Variants in CARNMT1 observed in about 807,000 individuals in gnomAD.
The protein encoded by CARNMT1 is protein-L-histidine N-pros-methyltransferase CARNMT1.
CARNMT1 carries 28 observed loss-of-function variants against 49.6 expected under a neutral mutation model. The observed-to-expected ratio is 0.56, with a 90% confidence interval of 0.42 to 0.77. The LOEUF is 0.77. Ranked by LOEUF, CARNMT1 falls within the 30% of genes least tolerant of loss-of-function variation. The probability of loss-of-function intolerance (pLI) is 0.00; values close to 1 mark genes in which losing one functional copy is unlikely to be tolerated. For missense variants in CARNMT1, 421 were observed against 512.6 expected (o/e 0.82, Z 1.73); for synonymous variants, 178 against 175.0 (o/e 1.02, Z -0.13).
chr9:74,996,691 T>C (rs974757777), intron 5 of CARNMT1, 131 bp from the exon 6 acceptor site: 54 of 563,242 alleles, frequency 9.6e-5, no homozygotes, highest in South Asian at 2.1e-4. Context: ...GCTAAACTTC[T>C]GATCAACATT....
intron 3 of CARNMT1, among the ~76,000 whole-genome samples, chr9:75,012,404 A>G (rs1018847795): frequency 6.6e-6 from 1 of 151,202 alleles, no homozygotes; most frequent in African/African-American, 2.4e-5. Flanking sequence ...CTCCTGCCTC[A>G]GACTCCTGAG....
At chr9:74,995,261 A>G (rs1252629692) in intron 6 of CARNMT1, among the ~76,000 whole-genome samples, 1 of 152,186 alleles carries the variant, frequency 6.6e-6, no homozygotes, top group African/African-American at 2.4e-5. Flanking sequence ...TGTAAGCTAC[A>G]GGACTGTTCT....
chr9:74,999,384 T>G (rs1487431718), intron 4 of CARNMT1, among the ~76,000 whole-genome samples: 2 of 152,154 alleles, frequency 1.3e-5, no homozygotes, highest in Non-Finnish European at 2.9e-5. Flanking sequence ...AACTCTTATT[T>G]AACTAAAGAA....
At chr9:75,001,651 T>C (rs776953610) in intron 3 of CARNMT1, among the ~76,000 whole-genome samples, 2 of 152,204 alleles carry the variant, frequency 1.3e-5, no homozygotes, top group Non-Finnish European at 2.9e-5. Flanking sequence ...AATGAATGGG[T>C]AAGATGGAGA....
intron 6 of CARNMT1, among the ~76,000 whole-genome samples, chr9:74,986,417 C>T (rs1048448890): frequency 6.6e-6 from 1 of 152,142 alleles, no homozygotes; most frequent in Non-Finnish European, 1.5e-5. Context: ...TATCAAACTA[C>T]TCTATCAAGC....
At chr9:75,018,265 T>C (rs1833908001) in intron 1 of CARNMT1, among the ~76,000 whole-genome samples, 1 of 152,124 alleles carries the variant, frequency 6.6e-6, no homozygotes, top group African/African-American at 2.4e-5. Flanking sequence ...GGTTTCATCA[T>C]GTTGCCCAGG....
chr9:75,028,411 T>C, upstream of CARNMT1: 1 of 1,288,850 alleles, frequency 7.8e-7, no homozygotes, highest in Admixed American at 4.3e-5. Context: ...CTCCGCCAGG[T>C]CTTCAGGGCT....
intron 5 of CARNMT1, among the ~76,000 whole-genome samples, chr9:74,997,161 T>C (rs1833211734): frequency 6.6e-6 from 1 of 152,184 alleles, no homozygotes; most frequent in South Asian, 2.1e-4. Context: ...CTTGATCCCA[T>C]GGAGGACTAC....
At chr9:75,026,960 G>A (rs1219405022) in intron 1 of CARNMT1, 5 of 654,688 alleles carry the variant, frequency 7.6e-6, no homozygotes, top group African/African-American at 1.9e-5. Flanking sequence ...CAAAGCAAGA[G>A]ATTTATAAAA....
rs779233784 is a variant in CARNMT1 at position 74,999,798 on chromosome 9, T to C, written c.663A>G (p.Leu221=). 1 of 1,612,734 alleles carries C rather than the reference T, an allele frequency of 6.2e-7. No homozygotes were observed. The highest frequency in any genetic ancestry group is 8.5e-7 in the Non-Finnish European group (1 of 1,179,222). The change falls in exon 4 of 8, where the codon CTA becomes CTG. Residue 221 remains leucine (L), a synonymous_variant. Coordinates refer to ENST00000376834, the MANE Select transcript of CARNMT1 (RefSeq NM_152420.3). ...LGRLAWEIAM[L]GYACQGNEWS... is the part of the protein sequence containing the mutation. ...ATTCATTTCCTTGACAAGCATAACC[T>C]AGCATAGCTATTTCCCAGGCCAGTC...
chr9:75,021,303 AC>A (rs1822347753), intron 1 of CARNMT1, among the ~76,000 whole-genome samples: 1 of 144,498 alleles, frequency 6.9e-6, no homozygotes. Flanking sequence ...TATATATACT[AC>A]TATATACATA....
intron 3 of CARNMT1, among the ~76,000 whole-genome samples, chr9:75,007,414 C>G (rs1258366633): frequency 6.6e-6 from 1 of 152,002 alleles, no homozygotes; most frequent in Non-Finnish European, 1.5e-5. Flanking sequence ...AGCACTCTAT[C>G]AGAAAAACCT....
chr9:75,025,720 C>T (rs1401430513), intron 1 of CARNMT1, among the ~76,000 whole-genome samples: 1 of 152,092 alleles, frequency 6.6e-6, no homozygotes, highest in Non-Finnish European at 1.5e-5. Context: ...TAAGTGGACC[C>T]GTGCAGTTCA....
intron 6 of CARNMT1, among the ~76,000 whole-genome samples, chr9:74,989,877 A>G (rs1160732430): frequency 1.3e-5 from 2 of 152,194 alleles, no homozygotes; most frequent in Non-Finnish European, 2.9e-5. Context: ...TTGAGATGTC[A>G]GAATTATCAG....
chr9:75,016,431 C>T lies in CARNMT1; in HGVS notation c.427G>A (p.Gly143Arg), dbSNP rs1564104697. 2 of 1,612,334 alleles carry T rather than the reference C, an allele frequency of 1.2e-6. No individual in the cohort carries two copies. Among genetic ancestry groups the T allele is most frequent in the Middle Eastern group, 1.7e-4 (1 of 6,058 alleles). The stretch of plus-strand genomic sequence containing the variant: ...GATGCTGGCATAATCTTTCCATTCC[C>T]CTGTTTAAAAAACAGACATCAATTA... ...MFENKEYGED[G>R]NGKIMPASTF... The change falls in exon 3 of 8, where the codon GGG (glycine) becomes AGG (arginine). Residue 143 changes from glycine to arginine, a missense_variant and splice_region_variant. Physicochemically the swap from Gly to Arg is moderately radical, Grantham distance 125. Coordinates refer to ENST00000376834, the MANE Select transcript of CARNMT1 (RefSeq NM_152420.3).
intron 1 of CARNMT1, among the ~76,000 whole-genome samples, 184 bp downstream of exon 1, chr9:75,027,828 T>C (rs1170955934): frequency 2.6e-5 from 4 of 151,946 alleles, no homozygotes; most frequent in Admixed American, 2.6e-4. Flanking sequence ...CACGCGGGTG[T>C]GCAGGGCCGG....
chr9:75,012,627 T>A (rs1205622115), intron 3 of CARNMT1, among the ~76,000 whole-genome samples: 2 of 152,102 alleles, frequency 1.3e-5, no homozygotes, highest in Non-Finnish European at 2.9e-5. Flanking sequence ...GAGCTCCATT[T>A]TTCTTCAGAA....
intron 3 of CARNMT1, among the ~76,000 whole-genome samples, chr9:75,006,888 T>C (rs930596988): frequency 6.6e-6 from 1 of 152,224 alleles, no homozygotes; most frequent in African/African-American, 2.4e-5. Context: ...TATCTTATAA[T>C]TATCTAATAA....
intron 1 of CARNMT1, among the ~76,000 whole-genome samples, chr9:75,022,875 CTG>C (rs903657153): frequency 2.6e-5 from 4 of 152,182 alleles, no homozygotes; most frequent in Non-Finnish European, 5.9e-5. Context: ...TGGCTCACGC[CTG>C]TAATCCCAGC....
Sources: gnomAD v4.1 joint callset for allele counts (sites outside exome capture counted in the v4.1 genomes callset) on GRCh38, gnomAD v4.1.1 for gene constraint, MANE v1.5 for transcripts, NCBI Gene and HGNC (gene_info 2026-07-23, HGNC 2026-07-21) for gene names.